B3GALT1: variants seen among roughly 807,000 people sequenced by gnomAD.
B3GALT1 encodes the protein UDP-Gal:betaGlcNAc beta 1,3-galactosyltransferase, polypeptide 1.
A neutral mutation model predicts 23.2 loss-of-function variants in B3GALT1; 10 were observed. The ratio of observed to expected loss-of-function variants is 0.43; its 90% CI spans 0.27 to 0.73. B3GALT1 has a LOEUF of 0.73. B3GALT1 is among the 30% of genes least tolerant of loss of function. The probability of loss-of-function intolerance (pLI) is 0.21; values close to 1 mark genes in which losing one functional copy is unlikely to be tolerated. For synonymous variants in B3GALT1, 156 were observed against 141.5 expected (o/e 1.10, Z -0.73); for missense variants, 299 against 405.4 (o/e 0.74, Z 2.25).
chr2:167,420,161 C>T (rs546065490), intron 1 of B3GALT1, among the ~76,000 whole-genome samples: 5 of 152,228 alleles, frequency 3.3e-5, no homozygotes, highest in South Asian at 2.1e-4. Flanking sequence ...AGTAATGCAT[C>T]AAAATTCATT....
intron 1 of B3GALT1, among the ~76,000 whole-genome samples, chr2:167,297,596 CAGGTTCTATTCTTT>C (rs1696372717): frequency 6.6e-6 from 1 of 152,028 alleles, no homozygotes; most frequent in African/African-American, 2.4e-5. Context: ...ACCTAGATCC[CAGGTTCTATTCTTT>C]TATGCAAAAA....
At chr2:167,797,355 A>G (rs1015305543) in intron 3 of B3GALT1, among the ~76,000 whole-genome samples, 19 of 152,118 alleles carry the variant, frequency 1.2e-4, no homozygotes, top group Admixed American at 1.2e-3. Flanking sequence ...TATGTACCAC[A>G]TTTTCTTTAT....
At position 167,638,955 on chromosome 2, in the gene B3GALT1, T is replaced by G. The variant is rs138457204; in HGVS notation, c.-409-7954T>G. Among the ~76,000 whole-genome samples, 500 of 152,150 alleles carry G rather than the reference T, an allele frequency of 3.3e-3. 4 individuals carry two copies. Among genetic ancestry groups the G allele is most frequent in the African/African-American group, 0.012 (479 of 41,538 alleles). On this transcript the variant is annotated intron_variant, in intron 2 of 4. Coordinates refer to ENST00000392690, the MANE Select transcript of B3GALT1 (RefSeq NM_020981.4). ...TTCCTGGTTTACCAATTCTGTCCCATCATTCTGTGCTTGTATTTTTTAATT... is the reference window on the plus strand; with the variant it reads ...TTCCTGGTTTACCAATTCTGTCCCAGCATTCTGTGCTTGTATTTTTTAATT...
At chr2:167,848,307 C>G (rs765121992) in intron 4 of B3GALT1, among the ~76,000 whole-genome samples, 1 of 152,038 alleles carries the variant, frequency 6.6e-6, no homozygotes, top group Non-Finnish European at 1.5e-5. Flanking sequence ...AACTACAGAC[C>G]TATATCCTTC....
intron 2 of B3GALT1, among the ~76,000 whole-genome samples, chr2:167,640,527 T>C (rs1320978347): frequency 7.2e-6 from 1 of 139,352 alleles, no homozygotes; most frequent in African/African-American, 2.6e-5. Flanking sequence ...TTTAATTCAC[T>C]TGTTTTACTG....
intron 1 of B3GALT1, among the ~76,000 whole-genome samples, chr2:167,401,247 C>T (rs554780712): frequency 5.9e-5 from 9 of 152,168 alleles, no homozygotes; most frequent in East Asian, 1.9e-4. Flanking sequence ...ATTAACCTTC[C>T]GTCTTTCCTT....
In B3GALT1 at chr2:167,597,395, A is replaced by G. The variant is rs111862013; in HGVS notation, c.-409-49514A>G. ...CTCCCAAAGTGCTGGGATTACAGGCATGAGCCACCATGCCCAGCCCATTGT... is the reference window on the plus strand; with the variant it reads ...CTCCCAAAGTGCTGGGATTACAGGCGTGAGCCACCATGCCCAGCCCATTGT... On this transcript the variant is annotated intron_variant, in intron 2 of 4. Coordinates refer to ENST00000392690, the MANE Select transcript of B3GALT1 (RefSeq NM_020981.4). 3.6e-3 allele frequency among the ~76,000 whole-genome samples: 552 copies of G among 152,174 alleles called. 3 individuals are homozygous for G. The highest frequency in any genetic ancestry group is 5.5e-3 in the Non-Finnish European group (376 of 67,990).
intron 1 of B3GALT1, among the ~76,000 whole-genome samples, chr2:167,380,738 C>G (rs1325575754): frequency 3.3e-5 from 5 of 152,186 alleles, no homozygotes; most frequent in Non-Finnish European, 1.5e-5. Context: ...AAAGTGCTCT[C>G]CCTTGCCCTG....
intron 1 of B3GALT1, among the ~76,000 whole-genome samples, chr2:167,316,894 C>G (rs933334224): frequency 1.1e-4 from 16 of 152,096 alleles, no homozygotes; most frequent in Admixed American, 3.9e-4. Flanking sequence ...TACACACCTT[C>G]CACAAAATTT....
intron 3 of B3GALT1, among the ~76,000 whole-genome samples, chr2:167,761,461 T>A (rs999927639): frequency 6.6e-6 from 1 of 152,174 alleles, no homozygotes; most frequent in Non-Finnish European, 1.5e-5. Context: ...TCTATGTATG[T>A]GTGTATGTAA....
chr2:167,425,246 ATTACT>A (rs762235967), intron 1 of B3GALT1, among the ~76,000 whole-genome samples: 1 of 152,178 alleles, frequency 6.6e-6, no homozygotes, highest in Non-Finnish European at 1.5e-5. Context: ...AGCTTTACAC[ATTACT>A]TTGACAGTTG....
intron 1 of B3GALT1, among the ~76,000 whole-genome samples, chr2:167,461,605 T>C (rs1338856097): frequency 1.3e-5 from 2 of 152,074 alleles, no homozygotes; most frequent in Non-Finnish European, 2.9e-5. Context: ...GCTATAAAAA[T>C]TTATAAATTA....
chr2:167,432,958 T>C (rs933178823), intron 1 of B3GALT1, among the ~76,000 whole-genome samples: 3 of 152,192 alleles, frequency 2.0e-5, no homozygotes, highest in African/African-American at 7.2e-5. Flanking sequence ...GTGGTTTACA[T>C]TGGGCCTCAC....
rs541079751 is a variant in B3GALT1 at position 167,325,683 on chromosome 2, G to T, written c.-511+32349G>T. Reference sequence around the variant, plus strand: ...GGTAGTTCTGTTTTTAGTTTTTTGAGAAATCTCCACCCTGTTTTCTTTTTT... The same window carrying T: ...GGTAGTTCTGTTTTTAGTTTTTTGATAAATCTCCACCCTGTTTTCTTTTTT... On this transcript the variant is annotated intron_variant, in intron 1 of 4. Coordinates refer to ENST00000392690, the MANE Select transcript of B3GALT1 (RefSeq NM_020981.4). Among the ~76,000 whole-genome samples the T allele has an allele frequency of 6.8e-5, 10 of 146,982 alleles. No homozygotes were observed. The South Asian group carries it at 2.2e-3, about 32-fold the overall frequency.
chr2:167,348,501 T>TA (rs763485655), intron 1 of B3GALT1, among the ~76,000 whole-genome samples: 1 of 152,192 alleles, frequency 6.6e-6, no homozygotes, highest in Non-Finnish European at 1.5e-5. Context: ...AAGTAATTGA[T>TA]AAGAGTCTGA....
In B3GALT1 at chr2:167,321,217, T is replaced by C. The variant is rs144441721; in HGVS notation, c.-511+27883T>C. Among the ~76,000 whole-genome samples, 50 of 152,112 alleles carry C rather than the reference T, an allele frequency of 3.3e-4. No individual in the cohort carries two copies. In the East Asian group the frequency reaches 8.3e-3, roughly 25 times the overall value. ...ATTACAGAAAAAACCTAAGAAAGGG[T>C]ATGTATTGAAGTGGAATGAATAAAT... On this transcript the variant is annotated intron_variant, in intron 1 of 4. Transcript: ENST00000392690.
intron 2 of B3GALT1, among the ~76,000 whole-genome samples, chr2:167,557,816 A>G (rs1192349957): frequency 6.6e-6 from 1 of 152,224 alleles, no homozygotes; most frequent in Non-Finnish European, 1.5e-5. Flanking sequence ...AAGGGTACTT[A>G]GCGAAATTGC....
intron 3 of B3GALT1, among the ~76,000 whole-genome samples, chr2:167,796,608 G>T (rs1688550196): frequency 6.6e-6 from 1 of 152,086 alleles, no homozygotes; most frequent in Non-Finnish European, 1.5e-5. Flanking sequence ...AATTAGCCTG[G>T]TGTGGTGGTG....
intron 1 of B3GALT1, among the ~76,000 whole-genome samples, chr2:167,344,884 A>G (rs1697204994): frequency 1.3e-5 from 2 of 152,188 alleles, no homozygotes; most frequent in Non-Finnish European, 2.9e-5. Flanking sequence ...AGTCATATGA[A>G]TGTGGAGACT....
Sources: allele counts gnomAD v4.1 joint callset (sites outside exome capture counted in the v4.1 genomes callset), GRCh38; gene constraint gnomAD v4.1.1; transcripts MANE v1.5; gene names NCBI Gene and HGNC (gene_info 2026-07-23, HGNC 2026-07-21).